Variants in EPHA6 observed in about 807,000 individuals in gnomAD.
EPHA6 encodes the protein EPH receptor A6.
In EPHA6, 50 loss-of-function variants were observed where a neutral mutation model predicts 112.0. The ratio of observed to expected loss-of-function variants is 0.45; its 90% confidence interval spans 0.36 to 0.56. The LOEUF (loss-of-function observed/expected upper bound fraction) is 0.56. EPHA6 is among the 20% of genes least tolerant of loss of function. EPHA6 has a pLI of 0.00. For missense variants in EPHA6, 1,280 were observed against 1,417.4 expected, an observed-to-expected ratio of 0.90 and a Z score of 1.56; for synonymous variants, 529 against 490.7, an observed-to-expected ratio of 1.08 and a Z score of -1.03.
At chr3:97,239,041 A>T in intron 4 of EPHA6, among the ~76,000 whole-genome samples, 1 of 151,988 alleles carries the variant, frequency 6.6e-6, no homozygotes, top group East Asian at 1.9e-4. Context: ...ATGCATAACA[A>T]GTTTTGTTTT....
At chr3:97,468,578 G>T (rs534622309) in intron 7 of EPHA6, among the ~76,000 whole-genome samples, 1 of 151,372 alleles carries the variant, frequency 6.6e-6, no homozygotes, top group South Asian at 2.1e-4. Flanking sequence ...TTTTTTCAAA[G>T]CCTAGGCAGG....
rs1007177626 is a variant in EPHA6 at position 97,714,799 on chromosome 3, G to A, written c.2785-5462G>A. ...ACCTCTCCACAAAAGCTGCTGAAAC[G>A]AGACCACCTCTGCCACACATAATCC... is the stretch of plus-strand genomic sequence containing the variant. On this transcript the variant is annotated intron_variant, in intron 14 of 17. Coordinates refer to ENST00000389672, the MANE Select transcript of EPHA6 (RefSeq NM_001080448.3). 8.5e-5 allele frequency among the ~76,000 whole-genome samples: 13 copies of A among 152,218 alleles called. No individual in the cohort carries two copies. The East Asian group carries it at 9.6e-4, about 11-fold the overall frequency.
intron 2 of EPHA6, among the ~76,000 whole-genome samples, chr3:96,981,560 C>G (rs879246699): frequency 6.6e-6 from 1 of 151,844 alleles, no homozygotes; most frequent in Non-Finnish European, 1.5e-5. Flanking sequence ...AGATGATGCT[C>G]GCCTCATAAA....
intron 2 of EPHA6, among the ~76,000 whole-genome samples, chr3:96,900,487 T>A (rs923590379): frequency 6.6e-6 from 1 of 152,214 alleles, no homozygotes; most frequent in Non-Finnish European, 1.5e-5. Flanking sequence ...AATTAAGTGG[T>A]ACTGAAAATC....
intron 10 of EPHA6, among the ~76,000 whole-genome samples, chr3:97,499,706 G>T (rs2092069000): frequency 6.6e-6 from 1 of 151,958 alleles, no homozygotes; most frequent in Non-Finnish European, 1.5e-5. Context: ...ACATCAAAAA[G>T]GTATAGTAAA....
At chr3:97,092,309 A>G (rs2047096948) in intron 3 of EPHA6, among the ~76,000 whole-genome samples, 1 of 152,030 alleles carries the variant, frequency 6.6e-6, no homozygotes, top group Non-Finnish European at 1.5e-5. Flanking sequence ...GAAGGTTGGA[A>G]CGAGAGTGAC....
At chr3:96,815,417 G>A (rs983769122) in intron 1 of EPHA6, among the ~76,000 whole-genome samples, 3 of 151,940 alleles carry the variant, frequency 2.0e-5, no homozygotes, top group Non-Finnish European at 4.4e-5. Flanking sequence ...GAAAGGCAGG[G>A]TGCTCCCGCT....
chr3:96,926,193 A>T (rs370650596), intron 2 of EPHA6, among the ~76,000 whole-genome samples: 22 of 152,140 alleles, frequency 1.4e-4, no homozygotes, highest in African/African-American at 4.6e-4. Flanking sequence ...CGAGAGAGTG[A>T]TTGTGTGAAA....
intron 2 of EPHA6, among the ~76,000 whole-genome samples, chr3:96,913,982 A>G (rs779983173): frequency 5.9e-5 from 9 of 152,252 alleles, no homozygotes; most frequent in Non-Finnish European, 1.2e-4. Flanking sequence ...TATTTCAAGC[A>G]AAGTTTGTAG....
chr3:97,696,713 T>A (rs1371629855), intron 14 of EPHA6, among the ~76,000 whole-genome samples: 1 of 152,126 alleles, frequency 6.6e-6, no homozygotes, highest in Non-Finnish European at 1.5e-5. Flanking sequence ...TTTTACTGAG[T>A]GTGTACTATG....
intron 2 of EPHA6, among the ~76,000 whole-genome samples, chr3:96,965,212 G>T (rs1038151648): frequency 3.9e-5 from 6 of 152,066 alleles, no homozygotes; most frequent in African/African-American, 1.4e-4. Flanking sequence ...AATCTTGTCT[G>T]CCTATTAAGC....
intron 2 of EPHA6, among the ~76,000 whole-genome samples, chr3:96,906,190 A>C (rs1033487565): frequency 1.3e-5 from 2 of 152,086 alleles, no homozygotes; most frequent in African/African-American, 4.8e-5. Context: ...AGATTGCAAG[A>C]GAGAGAAGTA....
chr3:97,446,334 G>A (rs1044219173), intron 6 of EPHA6, among the ~76,000 whole-genome samples: 2 of 152,092 alleles, frequency 1.3e-5, no homozygotes, highest in Non-Finnish European at 2.9e-5. Context: ...ACTTCCTACT[G>A]TTTGATTTTT....
intron 10 of EPHA6, 27 bp downstream of exon 10, chr3:97,484,086 C>T: frequency 6.3e-7 from 1 of 1,574,912 alleles, no homozygotes; most frequent in Non-Finnish European, 8.6e-7. Context: ...CACTTTTGAA[C>T]AAAACATTCC....
At chr3:97,158,062 T>C (rs759289318) in intron 3 of EPHA6, among the ~76,000 whole-genome samples, 1 of 152,314 alleles carries the variant, frequency 6.6e-6, no homozygotes, top group Non-Finnish European at 1.5e-5. Context: ...CCTCCTAACA[T>C]GTTACAGTTA....
At chr3:97,304,321 C>T (rs28788004) in intron 5 of EPHA6, among the ~76,000 whole-genome samples, 2,482 of 151,952 alleles carry the variant, frequency 0.016, 78 homozygotes, top group African/African-American at 0.057. Context: ...TGTCTTGTGC[C>T]AGTTTTCAAG....
chr3:97,008,189 T>C (rs541530847), intron 3 of EPHA6, among the ~76,000 whole-genome samples: 263 of 152,348 alleles, frequency 1.7e-3, no homozygotes, highest in Middle Eastern at 3.4e-3. Flanking sequence ...GATAATATCC[T>C]GAAGTGTGTT....
At chr3:97,046,247 T>C (rs991878304) in intron 3 of EPHA6, among the ~76,000 whole-genome samples, 2 of 152,170 alleles carry the variant, frequency 1.3e-5, no homozygotes, top group African/African-American at 4.8e-5. Flanking sequence ...GTTGGATTTA[T>C]CCCATGGATT....
chr3:97,268,381 G>A (rs898196832), intron 5 of EPHA6, among the ~76,000 whole-genome samples: 13 of 152,112 alleles, frequency 8.5e-5, no homozygotes, highest in African/African-American at 2.9e-4. Flanking sequence ...TGTTGAATAA[G>A]CTGACCCATA....
Sources: gnomAD v4.1 joint callset for allele counts (sites outside exome capture counted in the v4.1 genomes callset) on GRCh38, gnomAD v4.1.1 for gene constraint, MANE v1.5 for transcripts, NCBI Gene and HGNC (gene_info 2026-07-23, HGNC 2026-07-21) for gene names.